The following NFIB variants were observed in gnomAD, a reference collection of about 807,000 sequenced individuals.
NFIB encodes the protein nuclear factor 1 B-type.
Under a neutral mutation model 61.5 loss-of-function variants are expected in NFIB, and 11 were observed. The observed-to-expected ratio is 0.18, with a 90% CI of 0.11 to 0.30. The LOEUF (loss-of-function observed/expected upper bound fraction) is 0.30, where lower values mean the gene tolerates loss of function less well. Ranked by LOEUF, NFIB falls within the 10% of genes least tolerant of loss-of-function variation. The pLI is 1.00. For synonymous variants in NFIB, 260 were observed against 216.5 expected, an observed-to-expected ratio of 1.20 and a Z score of -1.76; for missense variants, 471 against 608.9, an observed-to-expected ratio of 0.77 and a Z score of 2.38.
chr9:14,210,892 T>G (rs1180190795), intron 2 of NFIB, among the ~76,000 whole-genome samples: 3 of 152,180 alleles, frequency 2.0e-5, no homozygotes, highest in Non-Finnish European at 4.4e-5. Context: ...CCGCATCTCT[T>G]GTACACTGTG....
intron 1 of NFIB, among the ~76,000 whole-genome samples, chr9:14,386,797 T>C (rs2061554803): frequency 1.3e-5 from 2 of 152,324 alleles, no homozygotes; most frequent in Admixed American, 1.3e-4. Flanking sequence ...TATTTTTAAA[T>C]GTAGAAATTC....
chr9:14,248,821 G>A (rs1456963603), intron 2 of NFIB, among the ~76,000 whole-genome samples: 1 of 152,148 alleles, frequency 6.6e-6, no homozygotes, highest in African/African-American at 2.4e-5. Flanking sequence ...CCTCCCCACT[G>A]GGTTTGCTTG....
At chr9:14,149,906 A>T (rs1419571690) in intron 5 of NFIB, among the ~76,000 whole-genome samples, 1 of 152,176 alleles carries the variant, frequency 6.6e-6, no homozygotes, top group African/African-American at 2.4e-5. Context: ...AGTCATATTA[A>T]TATATTTTCC....
intron 1 of NFIB, among the ~76,000 whole-genome samples, chr9:14,368,423 C>T (rs1374620182): frequency 6.6e-6 from 1 of 152,188 alleles, no homozygotes; most frequent in East Asian, 1.9e-4. Flanking sequence ...TTTTTCTGCA[C>T]TTACTTCCAA....
At chr9:14,496,244 C>A in the NFIB span, among the ~76,000 whole-genome samples, 32 of 152,224 alleles carry the variant, frequency 2.1e-4, no homozygotes, top group African/African-American at 7.2e-4. Context: ...GGATGGAACC[C>A]ATATCTAAAT....
the NFIB span, among the ~76,000 whole-genome samples, chr9:14,425,716 G>A: frequency 6.8e-6 from 1 of 147,454 alleles, no homozygotes; most frequent in Non-Finnish European, 1.5e-5. Context: ...AGCAAACCCA[G>A]AAGTGTGGTA....
intron 2 of NFIB, among the ~76,000 whole-genome samples, chr9:14,227,503 A>G (rs2052580287): frequency 6.6e-6 from 1 of 152,226 alleles, no homozygotes; most frequent in Non-Finnish European, 1.5e-5. Context: ...TACTATGGAG[A>G]AAGGCACACC....
the NFIB span, among the ~76,000 whole-genome samples, chr9:14,462,529 G>T: frequency 6.6e-6 from 1 of 152,044 alleles, no homozygotes; most frequent in East Asian, 1.9e-4. Context: ...TGATCAGCCC[G>T]CCTCGGCCTC....
chr9:14,293,619 A>G (rs1294674579), intron 2 of NFIB, among the ~76,000 whole-genome samples: 1 of 152,196 alleles, frequency 6.6e-6, no homozygotes, highest in African/African-American at 2.4e-5. Flanking sequence ...ATTAACTTAG[A>G]CCATTTCTAT....
chr9:14,286,073 C>T (rs76254292), intron 2 of NFIB, among the ~76,000 whole-genome samples: 3,578 of 152,302 alleles, frequency 0.023, 69 homozygotes, highest in Non-Finnish European at 0.037. Context: ...TGGGACACCA[C>T]CAGACTGACA....
At chr9:14,426,080 G>C in the NFIB span, among the ~76,000 whole-genome samples, 3 of 152,110 alleles carry the variant, frequency 2.0e-5, no homozygotes, top group African/African-American at 7.2e-5. Flanking sequence ...TGGAGATGGA[G>C]GTAGCTGGCA....
chr9:14,090,863 C>T (rs890077060), intron 10 of NFIB, among the ~76,000 whole-genome samples: 2 of 151,754 alleles, frequency 1.3e-5, no homozygotes, highest in Non-Finnish European at 2.9e-5. Context: ...ACAAGTCTAC[C>T]AACTAATGGC....
the NFIB span, among the ~76,000 whole-genome samples, chr9:14,492,573 G>A: frequency 6.6e-6 from 1 of 152,032 alleles, no homozygotes; most frequent in Non-Finnish European, 1.5e-5. Flanking sequence ...GCAGGAAGAA[G>A]AGGGAGGGGG....
intron 10 of NFIB, among the ~76,000 whole-genome samples, chr9:14,095,132 C>A (rs1191530011): frequency 6.6e-6 from 1 of 152,066 alleles, no homozygotes; most frequent in Non-Finnish European, 1.5e-5. Context: ...GATATAGCAA[C>A]CTACACTTAA....
At chr9:14,301,595 C>A (rs78646511) in intron 2 of NFIB, among the ~76,000 whole-genome samples, 2 of 152,048 alleles carry the variant, frequency 1.3e-5, no homozygotes, top group South Asian at 2.1e-4. Context: ...TCTCTCCCCC[C>A]ACCCTTCCCT....
intron 2 of NFIB, among the ~76,000 whole-genome samples, chr9:14,189,121 T>C (rs535327105): frequency 1.3e-5 from 2 of 152,340 alleles, no homozygotes; most frequent in South Asian, 4.1e-4. Context: ...TGGTTTATCC[T>C]GGAGTCTTCA....
chr9:14,501,176 T>A, the NFIB span, among the ~76,000 whole-genome samples: 1 of 152,214 alleles, frequency 6.6e-6, no homozygotes. Flanking sequence ...TCCTGTAGTT[T>A]CTGTTCATGT....
chr9:14,488,761 A>G, the NFIB span, among the ~76,000 whole-genome samples: 1 of 152,226 alleles, frequency 6.6e-6, no homozygotes, highest in Admixed American at 6.5e-5. Flanking sequence ...ATGAATACAC[A>G]ATGAATACAT....
At chr9:14,450,646 C>T in the NFIB span, among the ~76,000 whole-genome samples, 1 of 152,100 alleles carries the variant, frequency 6.6e-6, no homozygotes, top group African/African-American at 2.4e-5. Flanking sequence ...GTTACAGCAC[C>T]CCTCCCCCCG....
Sources: gnomAD v4.1 joint callset for allele counts (sites outside exome capture counted in the v4.1 genomes callset) on GRCh38, gnomAD v4.1.1 for gene constraint, MANE v1.5 for transcripts, NCBI Gene and HGNC (gene_info 2026-07-23, HGNC 2026-07-21) for gene names.